Variants in ADGRB3 observed in about 807,000 individuals in gnomAD.
The protein encoded by ADGRB3 is adhesion G protein-coupled receptor B3.
Under a neutral mutation model 193.4 loss-of-function variants are expected in ADGRB3, and 37 were observed. That is an observed-to-expected ratio of 0.19 (90% CI 0.15 to 0.25). ADGRB3 has a LOEUF of 0.25. Among genes scored for constraint, ADGRB3 ranks in the 10% least tolerant of loss-of-function variants. The pLI, the probability that ADGRB3 is intolerant of heterozygous loss-of-function variation, is 1.00. For missense variants in ADGRB3, 1,637 were observed against 1,852.9 expected (o/e 0.88, Z 2.14); for synonymous variants, 690 against 644.2 (o/e 1.07, Z -1.08).
At chr6:69,223,537 A>T (rs1441150417) in intron 17 of ADGRB3, among the ~76,000 whole-genome samples, 4 of 152,082 alleles carry the variant, frequency 2.6e-5, no homozygotes, top group Non-Finnish European at 5.9e-5. Flanking sequence ...TAGCCAAGCC[A>T]CACCATAATT....
At chr6:69,256,878 A>G (rs1433038300) in intron 20 of ADGRB3, among the ~76,000 whole-genome samples, 9 of 152,220 alleles carry the variant, frequency 5.9e-5, no homozygotes, top group African/African-American at 2.2e-4. Flanking sequence ...GATATGTCCC[A>G]TCAATACCTA....
At chr6:68,975,426 T>A (rs1768715041) in intron 10 of ADGRB3, 86 bp downstream of exon 10, 1 of 984,840 alleles carries the variant, frequency 1.0e-6, no homozygotes, top group African/African-American at 1.6e-5. Flanking sequence ...TGCTGTACAA[T>A]CAAATCAGTA....
chr6:68,772,894 AATATATATAT>A (rs1208790675), intron 3 of ADGRB3, among the ~76,000 whole-genome samples: 1,002 of 22,820 alleles, frequency 0.044, 21 homozygotes, highest in Middle Eastern at 0.091. Context: ...AAAAAAAAAA[AATATATATAT>A]ATATATATAT....
chr6:68,811,556 C>A lies in ADGRB3; in HGVS notation c.758-119003C>A, dbSNP rs546088901. Among the ~76,000 whole-genome samples, 4 of 152,018 alleles carry A rather than the reference C, an allele frequency of 2.6e-5. No homozygotes were observed. The East Asian group carries it at 7.8e-4, about 30-fold the overall frequency. On this transcript the variant is annotated intron_variant, in intron 3 of 31. Transcript: ENST00000370598. ...TGATCTCGGCTCATTGCAGCCTCTG[C>A]CTCCCATGTTCAAGCAATTCTTCTA...
At chr6:69,082,146 G>A (rs1163554524) in intron 17 of ADGRB3, among the ~76,000 whole-genome samples, 1 of 151,950 alleles carries the variant, frequency 6.6e-6, no homozygotes, top group African/African-American at 2.4e-5. Context: ...CATAATGTCT[G>A]CAACTCCTAA....
Position 68,933,447 on chromosome 6 carries a change from G to T in ADGRB3, c.868+2778G>T, listed in dbSNP as rs529193050. 1.1e-3 allele frequency among the ~76,000 whole-genome samples: 167 copies of T among 152,186 alleles called. 1 individual carries two copies. The highest frequency in any genetic ancestry group is 3.9e-3 in the African/African-American group (164 of 41,538). ...TCTCTACTAAAAATACGAAAAATTAGCTGGGTGTGGTGGCGCACACCTGTA... is the reference window on the plus strand; with the variant it reads ...TCTCTACTAAAAATACGAAAAATTATCTGGGTGTGGTGGCGCACACCTGTA... On this transcript the variant is annotated intron_variant, in intron 4 of 31. Coordinates refer to ENST00000370598, the MANE Select transcript of ADGRB3 (RefSeq NM_001704.3).
intron 17 of ADGRB3, among the ~76,000 whole-genome samples, chr6:69,124,307 A>G (rs1773797790): frequency 6.6e-6 from 1 of 151,994 alleles, no homozygotes; most frequent in Admixed American, 6.6e-5. Flanking sequence ...AATTGTTAAC[A>G]CTTCTGTTAC....
chr6:68,892,644 G>C (rs1766110237), intron 3 of ADGRB3, among the ~76,000 whole-genome samples: 1 of 152,050 alleles, frequency 6.6e-6, no homozygotes, highest in Non-Finnish European at 1.5e-5. Context: ...CTCTCAGAGG[G>C]CCTGGGTTGT....
intron 17 of ADGRB3, among the ~76,000 whole-genome samples, chr6:69,146,847 T>A (rs1561933953): frequency 6.7e-6 from 1 of 148,916 alleles, no homozygotes; most frequent in Non-Finnish European, 1.5e-5. Flanking sequence ...TTTTTTGGTC[T>A]TTTCAGGTTT....
intron 10 of ADGRB3, among the ~76,000 whole-genome samples, chr6:68,988,384 A>G (rs1769138790): frequency 1.3e-5 from 2 of 152,168 alleles, no homozygotes; most frequent in Admixed American, 1.3e-4. Flanking sequence ...GTGACAGAAT[A>G]GCATGAGTCA....
intron 20 of ADGRB3, among the ~76,000 whole-genome samples, chr6:69,273,294 T>A (rs925445848): frequency 1.3e-5 from 2 of 152,134 alleles, no homozygotes; most frequent in Non-Finnish European, 2.9e-5. Flanking sequence ...TGTTTGCAAA[T>A]GGGAAGGCAT....
intron 21 of ADGRB3, among the ~76,000 whole-genome samples, chr6:69,326,891 A>G (rs1768586175): frequency 6.6e-6 from 1 of 152,072 alleles, no homozygotes; most frequent in South Asian, 2.1e-4. Context: ...TTATATACAT[A>G]TATGTATAGT....
intron 17 of ADGRB3, among the ~76,000 whole-genome samples, chr6:69,133,597 A>G (rs1163032962): frequency 1.3e-5 from 2 of 151,234 alleles, no homozygotes; most frequent in Non-Finnish European, 3.0e-5. Flanking sequence ...AAACATAGGG[A>G]CTCCTCCCTA....
intron 20 of ADGRB3, among the ~76,000 whole-genome samples, chr6:69,257,755 T>G (rs1019283361): frequency 6.6e-6 from 1 of 152,172 alleles, no homozygotes; most frequent in Non-Finnish European, 1.5e-5. Context: ...AGCATGAATT[T>G]TGTGAAAGAA....
intron 22 of ADGRB3, among the ~76,000 whole-genome samples, chr6:69,329,421 TATATA>T (rs1233330839): frequency 6.6e-6 from 1 of 152,214 alleles, no homozygotes; most frequent in Admixed American, 6.5e-5. Context: ...TTTGTGTACA[TATATA>T]ATTACCTTAC....
intron 11 of ADGRB3, among the ~76,000 whole-genome samples, chr6:69,004,793 C>T (rs1365487929): frequency 1.2e-4 from 18 of 152,012 alleles, no homozygotes; most frequent in Admixed American, 1.1e-3. Flanking sequence ...TTTAACATAA[C>T]GATTTTGGGG....
chr6:69,290,572 G>T (rs1162873712), intron 20 of ADGRB3, among the ~76,000 whole-genome samples: 1 of 152,128 alleles, frequency 6.6e-6, no homozygotes, highest in African/African-American at 2.4e-5. Context: ...AATTATATTT[G>T]TCAGTATATG....
At chr6:69,369,249 G>A (rs1769654809) in intron 29 of ADGRB3, among the ~76,000 whole-genome samples, 1 of 152,090 alleles carries the variant, frequency 6.6e-6, no homozygotes, top group Admixed American at 6.6e-5. Flanking sequence ...GAATAAACAT[G>A]CAAGTCAGTT....
At chr6:69,232,522 G>A (rs1766165834) in intron 17 of ADGRB3, 1 of 1,535,530 alleles carries the variant, frequency 6.5e-7, no homozygotes, top group South Asian at 1.2e-5. Context: ...GCGGACTTGG[G>A]GTTAGCTTAA....
Sources: allele counts gnomAD v4.1 joint callset (sites outside exome capture counted in the v4.1 genomes callset), GRCh38; gene constraint gnomAD v4.1.1; transcripts MANE v1.5; gene names NCBI Gene and HGNC (gene_info 2026-07-23, HGNC 2026-07-21).